The following PPM1H variants were observed in gnomAD, a reference collection of about 807,000 sequenced individuals.
PPM1H encodes protein phosphatase, Mg2+/Mn2+ dependent 1H.
PPM1H carries 27 observed loss-of-function variants against 54.9 expected under a neutral mutation model. That is an observed-to-expected ratio of 0.49 (90% CI 0.36 to 0.68). PPM1H has a LOEUF of 0.68. Ranked by LOEUF, PPM1H falls within the 30% of genes least tolerant of loss-of-function variation. The pLI, the probability that PPM1H is intolerant of heterozygous loss-of-function variation, is 0.00. For missense variants in PPM1H, 596 were observed against 667.8 expected, an observed-to-expected ratio of 0.89 and a Z score of 1.19; for synonymous variants, 305 against 270.8, an observed-to-expected ratio of 1.13 and a Z score of -1.24.
At chr12:62,711,263 A>G (rs994128237) in intron 6 of PPM1H, among the ~76,000 whole-genome samples, 3 of 152,198 alleles carry the variant, frequency 2.0e-5, no homozygotes, top group Admixed American at 6.5e-5. Flanking sequence ...AAGTGTTGGG[A>G]TTACAGGCGT....
At chr12:62,713,543 C>A (rs534291475) in intron 6 of PPM1H, among the ~76,000 whole-genome samples, 5 of 152,126 alleles carry the variant, frequency 3.3e-5, no homozygotes, top group Admixed American at 1.3e-4. Context: ...ATGACTGATG[C>A]CCCTGAGGAT....
intron 1 of PPM1H, among the ~76,000 whole-genome samples, chr12:62,833,819 C>G (rs1868422149): frequency 6.6e-6 from 1 of 152,072 alleles, no homozygotes; most frequent in African/African-American, 2.4e-5. Context: ...TACATGTGAT[C>G]AAATAAATGC....
Position 62,644,480 on chromosome 12 carries a change from CT to C in PPM1H, c.*4008del. On this transcript the variant is annotated 3_prime_UTR_variant, in exon 10 of 10. Transcript: ENST00000228705. ...ACAGCCTTATTTGGTCACTGTCTACCTGGTTGCTACATGAACAAAACTTCAC... is the reference window on the plus strand; with the variant it reads ...ACAGCCTTATTTGGTCACTGTCTACCGGTTGCTACATGAACAAAACTTCAC... 6.6e-6 allele frequency: 1 copy of C among 152,304 alleles called. No homozygotes were observed. Among genetic ancestry groups the C allele is most frequent in the Non-Finnish European group, 1.5e-5 (1 of 68,054 alleles). 9.4% of individuals were successfully genotyped at this position (152,304 alleles called of 1,614,324 possible).
chr12:62,820,598 A>G (rs955997333), intron 2 of PPM1H, among the ~76,000 whole-genome samples: 4 of 152,226 alleles, frequency 2.6e-5, no homozygotes, highest in African/African-American at 7.2e-5. Context: ...GCGGTTCTGC[A>G]GCCTCCGCTG....
chr12:62,882,591 C>A (rs1273634017), intron 1 of PPM1H, among the ~76,000 whole-genome samples: 1 of 152,224 alleles, frequency 6.6e-6, no homozygotes, highest in Non-Finnish European at 1.5e-5. Flanking sequence ...CCTTTCGTTG[C>A]AAGGACAAAG....
chr12:62,802,287 C>T, intron 2 of PPM1H, 127 bp from the exon 3 acceptor site: 1 of 632,192 alleles, frequency 1.6e-6, no homozygotes, highest in Non-Finnish European at 2.5e-6. Context: ...ACAATGCGGT[C>T]AAAACATAGC....
chr12:62,817,461 C>CAAAA (rs201526974), intron 2 of PPM1H, among the ~76,000 whole-genome samples: 1 of 134,662 alleles, frequency 7.4e-6, no homozygotes, highest in African/African-American at 2.7e-5. Flanking sequence ...GACCCTGTCT[C>CAAAA]AAAAAAAAAC....
chr12:62,784,017 T>C (rs1163582280), intron 4 of PPM1H, among the ~76,000 whole-genome samples: 1 of 152,250 alleles, frequency 6.6e-6, no homozygotes, highest in East Asian at 1.9e-4. Context: ...ATTTGCATGC[T>C]ACTGGTTCAT....
At chr12:62,910,298 A>T (rs969447456) in intron 1 of PPM1H, among the ~76,000 whole-genome samples, 5 of 152,174 alleles carry the variant, frequency 3.3e-5, no homozygotes, top group African/African-American at 1.2e-4. Context: ...TGGGATGCTT[A>T]TGTCTATTTA....
chr12:62,805,008 C>G lies in PPM1H; in HGVS notation c.412-2848G>C, dbSNP rs143318814. ...TTAATTTCTACTGCAATGTATTAAA[C>G]TCACTTTTTAAAAATCTTTTTGTTT... On this transcript the variant is annotated intron_variant, in intron 2 of 9. Transcript: ENST00000228705. Among the ~76,000 whole-genome samples the G allele has an allele frequency of 4.1e-3, 628 of 152,272 alleles. 5 individuals carry two copies. Among genetic ancestry groups the G allele is most frequent in the African/African-American group, 0.014 (598 of 41,560 alleles).
chr12:62,915,836 C>A (rs1396953927), intron 1 of PPM1H, among the ~76,000 whole-genome samples: 1 of 152,186 alleles, frequency 6.6e-6, no homozygotes, highest in Non-Finnish European at 1.5e-5. Flanking sequence ...TTCTGACAGG[C>A]CTACAAATAG....
chr12:62,685,612 G>A (rs2136632766), intron 8 of PPM1H, among the ~76,000 whole-genome samples: 1 of 152,300 alleles, frequency 6.6e-6, no homozygotes, highest in East Asian at 1.9e-4. Flanking sequence ...GATGTGTCCT[G>A]TAAAAACCTT....
intron 6 of PPM1H, among the ~76,000 whole-genome samples, chr12:62,706,013 T>C (rs1409526128): frequency 6.6e-6 from 1 of 152,206 alleles, no homozygotes; most frequent in East Asian, 1.9e-4. Flanking sequence ...CTCAGATGGA[T>C]ATTCATATCA....
intron 2 of PPM1H, among the ~76,000 whole-genome samples, chr12:62,804,724 G>A (rs1208115092): frequency 1.5e-5 from 2 of 133,722 alleles, no homozygotes; most frequent in Non-Finnish European, 1.5e-5. Flanking sequence ...CGCCCAGGCT[G>A]GAGTGCAGTG....
At chr12:62,791,642 C>T (rs985039768) in intron 3 of PPM1H, among the ~76,000 whole-genome samples, 6 of 152,110 alleles carry the variant, frequency 3.9e-5, no homozygotes, top group South Asian at 2.1e-4. Flanking sequence ...TTGAAAACGC[C>T]GGGCGTGGTG....
intron 1 of PPM1H, among the ~76,000 whole-genome samples, chr12:62,930,135 A>G (rs571961513): frequency 2.0e-5 from 3 of 152,342 alleles, no homozygotes; most frequent in South Asian, 4.1e-4. Context: ...ATTAGTGCCA[A>G]TGACCAAGGA....
intron 4 of PPM1H, among the ~76,000 whole-genome samples, chr12:62,748,529 A>AACACACACACACACACAC (rs3052402): frequency 2.6e-4 from 38 of 147,396 alleles, no homozygotes; most frequent in African/African-American, 9.5e-4. Context: ...TTCAGTGTAG[A>AACACACACACACACACAC]ACACACACAC....
intron 3 of PPM1H, among the ~76,000 whole-genome samples, chr12:62,798,365 C>T (rs1416221546): frequency 6.6e-6 from 1 of 152,202 alleles, no homozygotes; most frequent in South Asian, 2.1e-4. Context: ...GATATTCAAC[C>T]ATTCATCTGT....
At chr12:62,919,686 A>G (rs746066630) in intron 1 of PPM1H, among the ~76,000 whole-genome samples, 14 of 152,164 alleles carry the variant, frequency 9.2e-5, no homozygotes, top group Non-Finnish European at 1.2e-4. Context: ...AAAAGGGCTC[A>G]TGATGTTGAG....
Sources: allele counts gnomAD v4.1 joint callset (sites outside exome capture counted in the v4.1 genomes callset), GRCh38; gene constraint gnomAD v4.1.1; transcripts MANE v1.5; gene names NCBI Gene and HGNC (gene_info 2026-07-23, HGNC 2026-07-21).